Variants in RNF150 observed in about 807,000 individuals in gnomAD.
The protein encoded by RNF150 is ring finger protein 150.
In RNF150, 24 loss-of-function variants were observed where a neutral mutation model predicts 39.3. The ratio of observed to expected loss-of-function variants is 0.61; its 90% CI spans 0.44 to 0.86. The LOEUF (loss-of-function observed/expected upper bound fraction) is 0.86, where lower values mean the gene tolerates loss of function less well. Ranked by LOEUF, RNF150 falls within the 40% of genes least tolerant of loss-of-function variation. The pLI is 0.00. For synonymous variants in RNF150, 255 were observed against 227.3 expected, an observed-to-expected ratio of 1.12 and a Z score of -1.10; for missense variants, 502 against 587.8, an observed-to-expected ratio of 0.85 and a Z score of 1.51.
In RNF150 at chr4:140,967,606, A is replaced by G; in HGVS notation, c.735+17T>C. 1 of 1,569,906 alleles carries G rather than the reference A, an allele frequency of 6.4e-7. No individual in the cohort carries two copies. ...TTGTAACAATTTTTAAAAGTTTTTTAACTTTTTGCTACTCACCTGGTTCCT... is the reference window on the plus strand; with the variant it reads ...TTGTAACAATTTTTAAAAGTTTTTTGACTTTTTGCTACTCACCTGGTTCCT... On this transcript the variant is annotated intron_variant, in intron 2 of 6. Transcript: ENST00000515673.
At chr4:141,053,024 T>G (rs565114865) in intron 1 of RNF150, among the ~76,000 whole-genome samples, 1 of 152,202 alleles carries the variant, frequency 6.6e-6, no homozygotes, top group East Asian at 1.9e-4. Flanking sequence ...GGGGTAATAA[T>G]AACCACACCC....
At chr4:141,041,619 T>C (rs1391255015) in intron 1 of RNF150, among the ~76,000 whole-genome samples, 4 of 152,126 alleles carry the variant, frequency 2.6e-5, no homozygotes, top group Non-Finnish European at 1.5e-5. Flanking sequence ...ATTTCTTCTA[T>C]GGGCTGTTTT....
rs1157615124 is a variant in RNF150, at chr4:141,158,854, C to T, written c.-6+53940G>A. On this transcript the variant is annotated intron_variant, in intron 1 of 7. Transcript: ENST00000420921. ...AAAACCTCTTTTTACCTGAACCATCCTTCCAATTTATTCACAGATAATCTG... is the reference window on the plus strand; with the variant it reads ...AAAACCTCTTTTTACCTGAACCATCTTTCCAATTTATTCACAGATAATCTG... Among the ~76,000 whole-genome samples, 3 of 152,236 alleles carry T rather than the reference C, an allele frequency of 2.0e-5. No homozygotes were observed. The East Asian group carries it at 5.8e-4, about 29-fold the overall frequency.
intron 5 of RNF150, among the ~76,000 whole-genome samples, chr4:140,917,024 A>C (rs1393869552): frequency 6.6e-6 from 1 of 152,178 alleles, no homozygotes; most frequent in Non-Finnish European, 1.5e-5. Flanking sequence ...GCCTGCCCTA[A>C]AAGAGCTCCT....
chr4:140,991,731 T>C (rs1734204057), intron 1 of RNF150, among the ~76,000 whole-genome samples: 2 of 152,168 alleles, frequency 1.3e-5, no homozygotes, highest in Non-Finnish European at 2.9e-5. Flanking sequence ...ATATGAAGTA[T>C]ATTCTATATG....
intron 1 of RNF150, among the ~76,000 whole-genome samples, chr4:141,007,560 G>A (rs1378100505): frequency 1.3e-5 from 2 of 152,126 alleles, no homozygotes; most frequent in African/African-American, 2.4e-5. Flanking sequence ...AAGGCAGTCT[G>A]ATTTATTCTT....
At chr4:140,963,878 C>A (rs1733134875) in intron 2 of RNF150, among the ~76,000 whole-genome samples, 1 of 151,868 alleles carries the variant, frequency 6.6e-6, no homozygotes, top group Non-Finnish European at 1.5e-5. Context: ...ACTAAGTTGA[C>A]ACTTCTGACA....
intron 5 of RNF150, among the ~76,000 whole-genome samples, chr4:140,911,578 CT>C (rs1359264687): frequency 6.6e-6 from 1 of 151,932 alleles, no homozygotes; most frequent in African/African-American, 2.4e-5. Context: ...GAAAAGATTC[CT>C]TTTTAATCTT....
At chr4:141,072,116 C>T (rs572649872) in intron 1 of RNF150, among the ~76,000 whole-genome samples, 1 of 152,174 alleles carries the variant, frequency 6.6e-6, no homozygotes, top group East Asian at 1.9e-4. Flanking sequence ...CATGAACAAA[C>T]ACACTGTGAG....
At chr4:141,175,037 C>A (rs1413873824) in intron 1 of RNF150, among the ~76,000 whole-genome samples, 6 of 152,136 alleles carry the variant, frequency 3.9e-5, no homozygotes, top group Admixed American at 1.3e-4. Context: ...TGATGGAAGC[C>A]AGACCAAAGG....
At chr4:141,099,743 A>G (rs936081422) in intron 1 of RNF150, among the ~76,000 whole-genome samples, 27 of 152,186 alleles carry the variant, frequency 1.8e-4, no homozygotes, top group African/African-American at 6.5e-4. Context: ...GTGATTTGAC[A>G]TGATGGTAAA....
At chr4:140,991,786 G>A (rs1734205027) in intron 1 of RNF150, among the ~76,000 whole-genome samples, 1 of 152,110 alleles carries the variant, frequency 6.6e-6, no homozygotes, top group South Asian at 2.1e-4. Flanking sequence ...TTAACTAAAG[G>A]ATACATTTAG....
intron 1 of RNF150, among the ~76,000 whole-genome samples, chr4:141,061,526 T>C (rs1384087268): frequency 6.6e-6 from 1 of 152,176 alleles, no homozygotes; most frequent in Admixed American, 6.5e-5. Flanking sequence ...CAATATGCAA[T>C]ATTGCTCTTC....
intron 1 of RNF150, among the ~76,000 whole-genome samples, chr4:141,159,306 C>A (rs1259265263): frequency 1.3e-5 from 2 of 152,002 alleles, no homozygotes; most frequent in African/African-American, 4.8e-5. Flanking sequence ...TGGCTGTGTT[C>A]CAACAAAACT....
intron 1 of RNF150, among the ~76,000 whole-genome samples, chr4:141,026,235 C>T (rs891570373): frequency 1.3e-5 from 2 of 152,024 alleles, no homozygotes; most frequent in Non-Finnish European, 2.9e-5. Context: ...CTGTACAAGA[C>T]ACAGGAATCC....
In RNF150 at chr4:140,896,834, G is replaced by A. The variant is rs897405158; in HGVS notation, c.1198+14310C>T. Among the ~76,000 whole-genome samples the A allele has an allele frequency of 7.9e-5, 12 of 151,796 alleles. No individual in the cohort carries two copies. The East Asian group carries it at 1.4e-3, about 17-fold the overall frequency. ...AATGTAAGAGAATGCCTGCACCACC[G>A]TGTGTAGGTCACACATCAGGTCGGG... On this transcript the variant is annotated intron_variant, in intron 6 of 6. Transcript: ENST00000515673.
rs146776313 is a variant in RNF150 at position 141,121,436 on chromosome 4, A to G, written c.484+10889T>C. On this transcript the variant is annotated intron_variant, in intron 1 of 6. Coordinates refer to ENST00000515673, the MANE Select transcript of RNF150 (RefSeq NM_020724.2). Reference sequence around the variant, plus strand: ...CTGGGTAGTAATAACCACAATGAGCAGAAGAGGGTACTTCCTACTTGGTAA... The same window carrying G: ...CTGGGTAGTAATAACCACAATGAGCGGAAGAGGGTACTTCCTACTTGGTAA... 4.8e-3 allele frequency among the ~76,000 whole-genome samples: 738 copies of G among 152,326 alleles called. 9 individuals carry two copies. Among genetic ancestry groups the G allele is most frequent in the African/African-American group, 0.017 (700 of 41,580 alleles).
At chr4:140,985,786 T>G (rs1287374053) in intron 1 of RNF150, among the ~76,000 whole-genome samples, 1 of 152,114 alleles carries the variant, frequency 6.6e-6, no homozygotes, top group African/African-American at 2.4e-5. Context: ...TATAAGATAT[T>G]TTAGTTTTAA....
chr4:140,947,315 G>A (rs1367433348), intron 4 of RNF150, among the ~76,000 whole-genome samples: 2 of 152,072 alleles, frequency 1.3e-5, no homozygotes, highest in African/African-American at 4.8e-5. Flanking sequence ...ACTGGTAAAA[G>A]CCAGAATTGA....
Sources: gnomAD v4.1 joint callset for allele counts (sites outside exome capture counted in the v4.1 genomes callset) on GRCh38, gnomAD v4.1.1 for gene constraint, MANE v1.5 for transcripts, NCBI Gene and HGNC (gene_info 2026-07-23, HGNC 2026-07-21) for gene names.